The following ZSWIM6 variants were observed in gnomAD, a reference collection of about 807,000 sequenced individuals.
The protein encoded by ZSWIM6 is zinc finger SWIM-type containing 6, also known as zinc finger SWIM domain-containing protein 6.
Under a neutral mutation model 113.2 loss-of-function variants are expected in ZSWIM6, and 9 were observed. The ratio of observed to expected loss-of-function variants is 0.08; its 90% CI spans 0.05 to 0.14. The LOEUF (loss-of-function observed/expected upper bound fraction) is 0.14. Among genes scored for constraint, ZSWIM6 ranks in the 10% least tolerant of loss-of-function variants. ZSWIM6 has a pLI of 1.00. For missense variants in ZSWIM6, 1,162 were observed against 1,552.2 expected (o/e 0.75, Z 4.22); for synonymous variants, 611 against 606.5 (o/e 1.01, Z -0.11).
intron 1 of ZSWIM6, among the ~76,000 whole-genome samples, chr5:61,406,859 C>T (rs896791225): frequency 2.0e-5 from 3 of 151,998 alleles, no homozygotes; most frequent in African/African-American, 7.2e-5. Flanking sequence ...ATTACAGGTG[C>T]CTGCCACCAT....
intron 9 of ZSWIM6, among the ~76,000 whole-genome samples, chr5:61,534,215 T>C (rs1433290351): frequency 2.0e-5 from 3 of 152,208 alleles, no homozygotes; most frequent in African/African-American, 7.2e-5. Flanking sequence ...GAATATCAAA[T>C]CACTAAAACA....
rs567197197 is a variant in ZSWIM6 at position 61,545,311 on chromosome 5, C to G, written c.*994C>G. The G allele has an allele frequency of 6.6e-6, 1 of 151,914 alleles. No individual in the cohort carries two copies. The highest frequency in any genetic ancestry group is 2.1e-4 in the South Asian group (1 of 4,790). 9.4% of individuals were successfully genotyped at this position (151,914 alleles called of 1,614,324 possible). A position where few individuals can be genotyped will look rare whatever the true frequency, so the allele number is the denominator to read the frequency against. On this transcript the variant is annotated 3_prime_UTR_variant, in exon 14 of 14. Transcript: ENST00000252744. ...CACACACACACACCACCAACAACCA[C>G]CACTACACCACACATGCTTATAACA...
rs142276666 is a variant in ZSWIM6, at chr5:61,527,499, G to A, written c.1837+1103G>A. The stretch of plus-strand genomic sequence containing the variant: ...GTCAAAAGTTACAGTTGAACCAAAG[G>A]AAGAGGGAAGCTCAGATGGGATTGG... On this transcript the variant is annotated intron_variant, in intron 7 of 13. Coordinates refer to ENST00000252744, the MANE Select transcript of ZSWIM6 (RefSeq NM_020928.2). Among the ~76,000 whole-genome samples, 1,158 of 152,250 alleles carry A rather than the reference G, an allele frequency of 7.6e-3. 8 individuals are homozygous for A. The highest frequency in any genetic ancestry group is 0.012 in the Non-Finnish European group (829 of 68,022).
chr5:61,337,344 T>A (rs1230357197), intron 1 of ZSWIM6, among the ~76,000 whole-genome samples: 1 of 152,220 alleles, frequency 6.6e-6, no homozygotes. Context: ...CATTTTCTTC[T>A]ACCACATTGG....
chr5:61,460,340 T>C (rs1282584653), intron 1 of ZSWIM6, among the ~76,000 whole-genome samples: 3 of 152,192 alleles, frequency 2.0e-5, no homozygotes, highest in African/African-American at 7.2e-5. Flanking sequence ...ACAGCAGTTA[T>C]TGTAGACCTT....
intron 1 of ZSWIM6, among the ~76,000 whole-genome samples, chr5:61,410,053 C>T (rs997234250): frequency 6.6e-6 from 1 of 152,152 alleles, no homozygotes; most frequent in African/African-American, 2.4e-5. Flanking sequence ...TGTTGAGAAG[C>T]TTCCGTATGA....
intron 1 of ZSWIM6, among the ~76,000 whole-genome samples, chr5:61,402,188 G>A (rs1041345754): frequency 6.6e-6 from 1 of 152,152 alleles, no homozygotes; most frequent in Non-Finnish European, 1.5e-5. Flanking sequence ...GCCTTTTAGT[G>A]TAAAGTATCA....
chr5:61,491,642 C>G (rs906449779), intron 3 of ZSWIM6, among the ~76,000 whole-genome samples: 2 of 151,980 alleles, frequency 1.3e-5, no homozygotes, highest in Non-Finnish European at 2.9e-5. Context: ...ACCATACACA[C>G]ATTTGTAAAT....
intron 1 of ZSWIM6, among the ~76,000 whole-genome samples, chr5:61,338,487 G>GTGAGTTGAGAT (rs1295305479): frequency 6.6e-6 from 1 of 152,126 alleles, no homozygotes; most frequent in Non-Finnish European, 1.5e-5. Context: ...GTTCTTTTGT[G>GTGAGTTGAGAT]TGAGTTGAGA....
chr5:61,460,417 C>A (rs2112167684), intron 1 of ZSWIM6, among the ~76,000 whole-genome samples: 1 of 152,232 alleles, frequency 6.6e-6, no homozygotes, highest in African/African-American at 2.4e-5. Flanking sequence ...TTACCATTTT[C>A]ATGTGCTTTT....
intron 1 of ZSWIM6, among the ~76,000 whole-genome samples, chr5:61,439,183 A>G (rs1454897191): frequency 1.3e-5 from 2 of 152,228 alleles, no homozygotes; most frequent in Non-Finnish European, 2.9e-5. Context: ...ATATATAGGA[A>G]AAGGCAAATG....
chr5:61,387,346 A>C (rs1382371979), intron 1 of ZSWIM6, among the ~76,000 whole-genome samples: 1 of 152,228 alleles, frequency 6.6e-6, no homozygotes, highest in East Asian at 1.9e-4. Context: ...TAAATAAAAT[A>C]ATGGGATATT....
At chr5:61,512,877 A>G (rs1233266067) in intron 4 of ZSWIM6, among the ~76,000 whole-genome samples, 1 of 152,042 alleles carries the variant, frequency 6.6e-6, no homozygotes, top group Non-Finnish European at 1.5e-5. Context: ...GAGATTTCCC[A>G]TATACCCCTT....
In ZSWIM6 at chr5:61,531,505, A is replaced by G; in HGVS notation, c.2025A>G (p.Leu675=). 1 of 1,551,680 alleles carries G rather than the reference A, an allele frequency of 6.4e-7. No individual in the cohort carries two copies. The change falls in exon 9 of 14, where the codon CTA becomes CTG. Residue 675 remains leucine (L), a synonymous_variant. Transcript: ENST00000252744. ...GCAAGTCTCTGGAATACCAGCATCT[A>G]CCTGCACACAAATTCTTAGAAGAAG... The part of the protein sequence containing the change: ...GQCKSLEYQH[L]PAHKFLEEGE...
intron 4 of ZSWIM6, among the ~76,000 whole-genome samples, chr5:61,511,559 C>T (rs1386613617): frequency 3.9e-5 from 6 of 152,004 alleles, no homozygotes; most frequent in Admixed American, 6.6e-5. Context: ...GTGAAGCCCT[C>T]GTGAATGTGA....
intron 1 of ZSWIM6, among the ~76,000 whole-genome samples, chr5:61,431,792 A>G (rs1746589256): frequency 6.6e-6 from 1 of 152,080 alleles, no homozygotes; most frequent in Non-Finnish European, 1.5e-5. Flanking sequence ...TACTTCACCT[A>G]CCCTCTTAAT....
chr5:61,360,182 G>A (rs1745004239), intron 1 of ZSWIM6, among the ~76,000 whole-genome samples: 3 of 152,178 alleles, frequency 2.0e-5, no homozygotes, highest in Non-Finnish European at 4.4e-5. Context: ...TGATGATGGA[G>A]CCTACAGTTA....
At chr5:61,512,499 G>C (rs1249533673) in intron 4 of ZSWIM6, among the ~76,000 whole-genome samples, 3 of 152,180 alleles carry the variant, frequency 2.0e-5, no homozygotes, top group Non-Finnish European at 4.4e-5. Flanking sequence ...GGATTGCTGG[G>C]TCATATGGTC....
At chr5:61,537,543 C>T (rs772920074) in intron 10 of ZSWIM6, among the ~76,000 whole-genome samples, 2 of 146,750 alleles carry the variant, frequency 1.4e-5, no homozygotes, top group African/African-American at 5.2e-5. Context: ...CCTGTGAATA[C>T]GAGGATATTC....
Sources: gnomAD v4.1 joint callset for allele counts (sites outside exome capture counted in the v4.1 genomes callset) on GRCh38, gnomAD v4.1.1 for gene constraint, MANE v1.5 for transcripts, NCBI Gene and HGNC (gene_info 2026-07-23, HGNC 2026-07-21) for gene names.